The following TMEM236 variants were observed in gnomAD, a reference collection of about 807,000 sequenced individuals.
TMEM236 encodes family with sequence similarity 23, member A.
Under a neutral mutation model 14.7 loss-of-function variants are expected in TMEM236, and 11 were observed. The observed-to-expected ratio is 0.75, with a 90% CI of 0.47 to 1.24. The LOEUF (loss-of-function observed/expected upper bound fraction) is 1.24. TMEM236 is among the 50% of genes most tolerant of loss of function. The probability of loss-of-function intolerance (pLI) is 0.00; values close to 1 mark genes in which losing one functional copy is unlikely to be tolerated. For synonymous variants in TMEM236, 182 were observed against 168.6 expected, an observed-to-expected ratio of 1.08 and a Z score of -0.62; for missense variants, 464 against 427.3, an observed-to-expected ratio of 1.09 and a Z score of -0.76.
chr10:17,795,600 C>T (rs1184821577), intron 3 of TMEM236, among the ~76,000 whole-genome samples: 1 of 152,050 alleles, frequency 6.6e-6, no homozygotes, highest in East Asian at 1.9e-4. Flanking sequence ...CTTGAAATTC[C>T]ATGGGTAAAA....
intron 3 of TMEM236, among the ~76,000 whole-genome samples, chr10:17,780,875 T>A (rs1589149097): frequency 6.6e-6 from 1 of 152,004 alleles, no homozygotes; most frequent in South Asian, 2.1e-4. Flanking sequence ...GTGCACCGGG[T>A]TTTATAGACA....
intron 3 of TMEM236, among the ~76,000 whole-genome samples, chr10:17,784,338 A>G (rs1190890606): frequency 6.6e-6 from 1 of 152,128 alleles, no homozygotes; most frequent in African/African-American, 2.4e-5. Flanking sequence ...TTCTGATTCT[A>G]TTGTATTTCT....
intron 2 of TMEM236, 35 bp downstream of exon 2, chr10:17,771,416 A>G: frequency 6.3e-7 from 1 of 1,586,472 alleles, no homozygotes; most frequent in Non-Finnish European, 8.7e-7. Context: ...CTACAAGATT[A>G]TGAGATTTTA....
intron 1 of TMEM236, among the ~76,000 whole-genome samples, chr10:17,759,866 C>A (rs1837330771): frequency 6.6e-6 from 1 of 151,362 alleles, no homozygotes; most frequent in South Asian, 2.1e-4. Flanking sequence ...CTGTATAGTC[C>A]CAGCTACTCG....
rs1381224069 is a variant in TMEM236, at chr10:17,797,932, T to G, written c.*1428T>G. 1 of 152,290 alleles carries G rather than the reference T, an allele frequency of 6.6e-6. No individual in the cohort carries two copies. Among genetic ancestry groups the G allele is most frequent in the African/African-American group, 2.4e-5 (1 of 41,460 alleles). 9.4% of individuals were successfully genotyped at this position (152,290 alleles called of 1,614,324 possible). ...TTGATACTTTGATAAATAATCAAAGTACAAGCCCTGTTTAAAATTAAAAGT... is the reference window on the plus strand; with the variant it reads ...TTGATACTTTGATAAATAATCAAAGGACAAGCCCTGTTTAAAATTAAAAGT... On this transcript the variant is annotated 3_prime_UTR_variant, in exon 4 of 4. Coordinates refer to ENST00000377495, the MANE Select transcript of TMEM236 (RefSeq NM_001098844.3).
chr10:17,790,348 C>T (rs1837906425), intron 3 of TMEM236, among the ~76,000 whole-genome samples: 1 of 152,156 alleles, frequency 6.6e-6, no homozygotes, highest in Admixed American at 6.5e-5. Flanking sequence ...TTGATTGTTG[C>T]GTCTTCCACA....
In TMEM236 at chr10:17,752,533, T is replaced by C. The variant is rs1837224712; in HGVS notation, c.238T>C (p.Tyr80His). ...KVILHKKRYI[Y>H]RKIKGWRPVL... ...TATCCTGCACAAGAAACGTTATATT[T>C]ACAGAAAAATTAAAGGATGGTAAGT... Residue 80 changes from tyrosine to histidine, a missense_variant, in exon 1 of 4, where the codon TAC becomes CAC. Tyr to His is a moderately conservative substitution (Grantham distance 83). Transcript: ENST00000377495. 6.2e-7 allele frequency: 1 copy of C among 1,613,898 alleles called. No homozygotes were observed. Among genetic ancestry groups the C allele is most frequent in the African/African-American group, 1.3e-5 (1 of 75,034 alleles).
intron 3 of TMEM236, among the ~76,000 whole-genome samples, chr10:17,795,613 G>A (rs960982440): frequency 3.3e-5 from 5 of 152,058 alleles, no homozygotes; most frequent in African/African-American, 4.8e-5. Flanking sequence ...GGGTAAAATC[G>A]GCCTCAAATA....
intron 2 of TMEM236, among the ~76,000 whole-genome samples, chr10:17,773,838 T>G (rs139090025): frequency 0.038 from 5,845 of 152,332 alleles, 199 homozygotes; most frequent in East Asian, 0.21. Context: ...TTTGATTATA[T>G]GTATTGCAAA....
intron 1 of TMEM236, among the ~76,000 whole-genome samples, chr10:17,763,612 T>C (rs1236865102): frequency 1.3e-5 from 2 of 152,042 alleles, no homozygotes; most frequent in African/African-American, 4.8e-5. Flanking sequence ...TGCTTTGGAG[T>C]AATCAGAGAA....
At position 17,796,287 on chromosome 10, in the gene TMEM236, T is replaced by C. The variant is rs1258633361; in HGVS notation, c.839T>C (p.Ile280Thr). 3 of 1,613,820 alleles carry C rather than the reference T, an allele frequency of 1.9e-6. No individual in the cohort carries two copies. The African/African-American group carries it at 4.0e-5, about 22-fold the overall frequency. Reference sequence around the variant, plus strand: ...TTCAGTTTTATTTCTCTCCTTCGAATTACATTCACTCCCCAAAACCCTCTT... The same window carrying C: ...TTCAGTTTTATTTCTCTCCTTCGAACTACATTCACTCCCCAAAACCCTCTT... ...YIFSFISLLRITFTPQNPLLN... is the reference protein window; with the variant it reads ...YIFSFISLLRTTFTPQNPLLN... Residue 280 changes from isoleucine to threonine, a missense_variant, in exon 4 of 4, where the codon ATT becomes ACT. Coordinates refer to ENST00000377495, the MANE Select transcript of TMEM236 (RefSeq NM_001098844.3).
intron 2 of TMEM236, among the ~76,000 whole-genome samples, chr10:17,773,726 A>G (rs1554835013): frequency 2.0e-5 from 3 of 152,280 alleles, no homozygotes; most frequent in South Asian, 2.1e-4. Flanking sequence ...GTAATTAACA[A>G]TGTTGAGCAT....
intron 3 of TMEM236, among the ~76,000 whole-genome samples, chr10:17,792,867 C>T (rs1554836141): frequency 6.6e-6 from 1 of 152,158 alleles, no homozygotes; most frequent in Non-Finnish European, 1.5e-5. Flanking sequence ...TCTAAGTGGA[C>T]ATTTAGAAAG....
intron 1 of TMEM236, among the ~76,000 whole-genome samples, chr10:17,761,687 A>G (rs1837365555): frequency 9.6e-6 from 1 of 103,922 alleles, no homozygotes. Flanking sequence ...GAGTGAGACT[A>G]TGTCTCAAAA....
intron 1 of TMEM236, among the ~76,000 whole-genome samples, chr10:17,768,726 C>CATGTGT (rs1837516829): frequency 8.2e-6 from 1 of 122,552 alleles, no homozygotes; most frequent in Non-Finnish European, 1.8e-5. Context: ...GTATACAACT[C>CATGTGT]ATGTGTGTGT....
chr10:17,770,180 G>T (rs1837546063), intron 1 of TMEM236, among the ~76,000 whole-genome samples: 1 of 152,184 alleles, frequency 6.6e-6, no homozygotes, highest in South Asian at 2.1e-4. Context: ...TCTTTTTTAT[G>T]ACTGTGGAGA....
In TMEM236 at chr10:17,771,345, A is replaced by G. The variant is rs1333499066; in HGVS notation, c.294A>G (p.Thr98=). The change falls in exon 2 of 4, where the codon ACA becomes ACG. Residue 98 remains threonine, a synonymous_variant. Coordinates refer to ENST00000377495, the MANE Select transcript of TMEM236 (RefSeq NM_001098844.3). The part of the protein sequence containing the change: ...PVLMMCVVLT[T]LPCLTFSIAV... ...TGATGATGTGTGTGGTCCTCACCAC[A>G]CTGCCCTGCCTCACCTTTTCCATAG... 2.5e-6 allele frequency: 4 copies of G among 1,613,862 alleles called. No individual in the cohort carries two copies. The highest frequency in any genetic ancestry group is 1.6e-4 in the Middle Eastern group (1 of 6,078).
In TMEM236 at chr10:17,798,475, G is replaced by C. The variant is rs1838049915; in HGVS notation, c.*1971G>C. ...GATTGCTTGAGCCCAGGAGGTCAAG[G>C]CTACAGTGAGCTATGATCATGCCAC... On this transcript the variant is annotated 3_prime_UTR_variant, in exon 4 of 4. Transcript: ENST00000377495. The C allele has an allele frequency of 1.2e-5, 6 of 496,282 alleles. No homozygotes were observed. The highest frequency in any genetic ancestry group is 7.7e-5 in the South Asian group (5 of 64,876). The allele number at this position is 496,282 out of a possible 1,614,324, so 30.7% of individuals were successfully genotyped here.
chr10:17,768,086 G>GTGTTTTTTTTTTTTTTTTTT (rs1837500427), intron 1 of TMEM236, among the ~76,000 whole-genome samples: 1 of 92,022 alleles, frequency 1.1e-5, no homozygotes, highest in Non-Finnish European at 2.2e-5. Flanking sequence ...AATTTTTGTG[G>GTGTTTTTTTTTTTTTTTTTT]TTTTTTTTTT....
Sources: gnomAD v4.1 joint callset for allele counts (sites outside exome capture counted in the v4.1 genomes callset) on GRCh38, gnomAD v4.1.1 for gene constraint, MANE v1.5 for transcripts, NCBI Gene and HGNC (gene_info 2026-07-23, HGNC 2026-07-21) for gene names.